JMJD1C: variants seen among roughly 807,000 people sequenced by gnomAD.
JMJD1C encodes jumonji domain containing 1C.
Under a neutral mutation model 245.3 loss-of-function variants are expected in JMJD1C, and 31 were observed. The observed-to-expected ratio is 0.13, with a 90% CI of 0.09 to 0.17. The LOEUF is 0.17. Among genes scored for constraint, JMJD1C ranks in the 10% least tolerant of loss-of-function variants. The pLI, the probability that JMJD1C is intolerant of heterozygous loss-of-function variation, is 1.00. For missense variants in JMJD1C, 2,691 were observed against 3,000.2 expected, an observed-to-expected ratio of 0.90 and a Z score of 2.41; for synonymous variants, 1,057 against 1,017.4, an observed-to-expected ratio of 1.04 and a Z score of -0.74.
intron 1 of JMJD1C, among the ~76,000 whole-genome samples, chr10:63,517,194 A>G (rs1478487216): frequency 6.6e-6 from 1 of 152,170 alleles, no homozygotes; most frequent in Non-Finnish European, 1.5e-5. Context: ...GCGATCAGAC[A>G]TTATCTTTGT....
At chr10:63,358,210 A>C (rs1945027579) in intron 2 of JMJD1C, among the ~76,000 whole-genome samples, 2 of 152,276 alleles carry the variant, frequency 1.3e-5, no homozygotes, top group Non-Finnish European at 1.5e-5. Flanking sequence ...AGGATACGAA[A>C]ATTTTTTCAC....
At chr10:63,321,581 T>G (rs1940870329) in intron 2 of JMJD1C, among the ~76,000 whole-genome samples, 1 of 152,104 alleles carries the variant, frequency 6.6e-6, no homozygotes, top group South Asian at 2.1e-4. Context: ...AACAATTTGG[T>G]TTGGTTTTTC....
intron 1 of JMJD1C, among the ~76,000 whole-genome samples, chr10:63,461,004 G>C (rs1307395999): frequency 2.0e-5 from 3 of 152,114 alleles, no homozygotes; most frequent in Admixed American, 2.0e-4. Context: ...TGGGTCAAAA[G>C]ATCATATAAA....
chr10:63,299,887 GTT>G (rs562533327), intron 2 of JMJD1C, among the ~76,000 whole-genome samples: 1 of 144,946 alleles, frequency 6.9e-6, no homozygotes, highest in Non-Finnish European at 1.5e-5. Context: ...TGAATTTTCA[GTT>G]TTTTTTTTTA....
chr10:63,472,640 T>A (rs568523217), intron 1 of JMJD1C, among the ~76,000 whole-genome samples: 45 of 152,038 alleles, frequency 3.0e-4, no homozygotes, highest in Non-Finnish European at 6.6e-4. Context: ...CCCTGCAATT[T>A]CTTTTTATAT....
chr10:63,389,184 T>G (rs1181527812), intron 1 of JMJD1C, among the ~76,000 whole-genome samples: 1 of 151,560 alleles, frequency 6.6e-6, no homozygotes. Context: ...ATTGGTGACA[T>G]GCCTGTAATC....
At chr10:63,344,969 G>A (rs1589536600) in intron 2 of JMJD1C, among the ~76,000 whole-genome samples, 2 of 152,136 alleles carry the variant, frequency 1.3e-5, no homozygotes, top group Non-Finnish European at 1.5e-5. Flanking sequence ...TAGTTTGGCA[G>A]CTGCTATTTA....
intron 2 of JMJD1C, among the ~76,000 whole-genome samples, chr10:63,380,062 C>T (rs1041887607): frequency 6.6e-6 from 1 of 151,602 alleles, no homozygotes; most frequent in Admixed American, 6.6e-5. Flanking sequence ...ACCTCAGCCT[C>T]CCAAGTAGCT....
chr10:63,188,366 CT>C (rs921217586), intron 18 of JMJD1C, among the ~76,000 whole-genome samples: 53 of 152,230 alleles, frequency 3.5e-4, no homozygotes, highest in African/African-American at 1.2e-3. Context: ...AAAGATTCAG[CT>C]TTCATCAGAT....
chr10:63,326,677 C>T (rs1259490460), intron 2 of JMJD1C, among the ~76,000 whole-genome samples: 3 of 151,766 alleles, frequency 2.0e-5, no homozygotes, highest in Non-Finnish European at 2.9e-5. Flanking sequence ...GTCAGGAGTT[C>T]GAGACCAGCC....
chr10:63,520,236 CTCA>C (rs1955166030), intron 1 of JMJD1C, among the ~76,000 whole-genome samples: 1 of 152,080 alleles, frequency 6.6e-6, no homozygotes, highest in Non-Finnish European at 1.5e-5. Context: ...TTAGCAGTGC[CTCA>C]TATCACCCTT....
intron 1 of JMJD1C, among the ~76,000 whole-genome samples, chr10:63,447,599 T>G (rs976748920): frequency 2.6e-5 from 4 of 152,148 alleles, no homozygotes; most frequent in Non-Finnish European, 5.9e-5. Context: ...CCAAATTACT[T>G]AGATGGACAG....
At chr10:63,180,285 A>G (rs1033848909) in intron 22 of JMJD1C, among the ~76,000 whole-genome samples, 1 of 152,264 alleles carries the variant, frequency 6.6e-6, no homozygotes, top group Non-Finnish European at 1.5e-5. Flanking sequence ...TGCTGGGATT[A>G]CAGGCGTGAG....
chr10:63,281,659 A>T (rs1450130480), intron 2 of JMJD1C, among the ~76,000 whole-genome samples: 2 of 151,244 alleles, frequency 1.3e-5, no homozygotes, highest in Non-Finnish European at 2.9e-5. Flanking sequence ...TTTAGTAGAC[A>T]TGGAGTTTCA....
At position 63,197,556 on chromosome 10, in the gene JMJD1C, A is replaced by G; in HGVS notation, c.5499T>C (p.Ile1833=). The part of the protein sequence containing the change: ...ALSWVKKDAK[I]AWKRAVRGVR... ...CTCCTCTCACTGCTCTTTTCCAGGC[A>G]ATTTTGGCTGAAATACAGAAAAAAC... Residue 1833 remains isoleucine (I), a synonymous_variant, in exon 13 of 26, where the codon ATT becomes ATC. Transcript: ENST00000399262. The G allele has an allele frequency of 6.6e-7, 1 of 1,518,294 alleles. No individual in the cohort carries two copies. The highest frequency in any genetic ancestry group is 8.8e-7 in the Non-Finnish European group (1 of 1,136,204). The allele number at this position is 1,518,294 out of a possible 1,614,324, so 94.1% of individuals were successfully genotyped here.
At chr10:63,328,637 T>A (rs1324888788) in intron 2 of JMJD1C, among the ~76,000 whole-genome samples, 1 of 152,234 alleles carries the variant, frequency 6.6e-6, no homozygotes, top group African/African-American at 2.4e-5. Flanking sequence ...ACAACTTTCA[T>A]CTGAAACTAA....
At chr10:63,444,128 G>A (rs1951551872) in intron 1 of JMJD1C, among the ~76,000 whole-genome samples, 1 of 152,154 alleles carries the variant, frequency 6.6e-6, no homozygotes, top group Non-Finnish European at 1.5e-5. Context: ...ATAACAGTAA[G>A]TGACTGAGGA....
At chr10:63,519,063 C>T (rs1471942427) in intron 1 of JMJD1C, among the ~76,000 whole-genome samples, 1 of 152,134 alleles carries the variant, frequency 6.6e-6, no homozygotes, top group Non-Finnish European at 1.5e-5. Context: ...CTCAATGACA[C>T]GTGTATAGCA....
intron 1 of JMJD1C, among the ~76,000 whole-genome samples, chr10:63,432,032 C>A (rs1950788505): frequency 6.6e-6 from 1 of 152,032 alleles, no homozygotes; most frequent in Non-Finnish European, 1.5e-5. Context: ...AAAAAGAAAA[C>A]TCACTTTTGT....
Sources: gnomAD v4.1 joint callset for allele counts (sites outside exome capture counted in the v4.1 genomes callset) on GRCh38, gnomAD v4.1.1 for gene constraint, MANE v1.5 for transcripts, NCBI Gene and HGNC (gene_info 2026-07-23, HGNC 2026-07-21) for gene names.